KIF21A: variants seen among roughly 807,000 people sequenced by gnomAD.
KIF21A encodes the protein kinesin-like protein KIF21A.
KIF21A carries 114 observed loss-of-function variants against 202.9 expected under a neutral mutation model. That is an observed-to-expected ratio of 0.56 (90% CI 0.48 to 0.66). KIF21A has a LOEUF of 0.66. Among genes scored for constraint, KIF21A ranks in the 30% least tolerant of loss-of-function variants. KIF21A has a pLI of 0.00. For synonymous variants in KIF21A, 667 were observed against 670.8 expected, an observed-to-expected ratio of 0.99 and a Z score of 0.09; for missense variants, 1,677 against 1,994.9, an observed-to-expected ratio of 0.84 and a Z score of 3.04.
At chr12:39,393,605 C>A (rs907024974) in intron 1 of KIF21A, among the ~76,000 whole-genome samples, 4 of 152,162 alleles carry the variant, frequency 2.6e-5, no homozygotes, top group Non-Finnish European at 4.4e-5. Flanking sequence ...TGGTAGAGCA[C>A]AAGCTTCTAG....
chr12:39,317,022 A>C (rs546335749), intron 29 of KIF21A, among the ~76,000 whole-genome samples: 1 of 152,224 alleles, frequency 6.6e-6, no homozygotes, highest in African/African-American at 2.4e-5. Context: ...CCTAATGTTC[A>C]ACTTTTCTCA....
At chr12:39,345,949 G>A (rs1947850400) in intron 12 of KIF21A, among the ~76,000 whole-genome samples, 1 of 151,730 alleles carries the variant, frequency 6.6e-6, no homozygotes, top group Non-Finnish European at 1.5e-5. Flanking sequence ...AATCTTATTT[G>A]TAATAAGGCC....
intron 1 of KIF21A, among the ~76,000 whole-genome samples, chr12:39,405,693 A>T (rs887226994): frequency 3.3e-5 from 5 of 152,310 alleles, no homozygotes; most frequent in Admixed American, 3.3e-4. Context: ...AAGCGTATAT[A>T]AAGTTCCAAA....
intron 32 of KIF21A, 40 bp downstream of exon 32, chr12:39,311,377 A>G (rs1342733795): frequency 1.9e-6 from 3 of 1,583,686 alleles, no homozygotes; most frequent in African/African-American, 2.7e-5. Context: ...TTTTTTAAAA[A>G]AAAAGCTATT....
At chr12:39,416,778 C>CAT (rs1187737992) in intron 1 of KIF21A, among the ~76,000 whole-genome samples, 1 of 108,922 alleles carries the variant, frequency 9.2e-6, no homozygotes. Context: ...TATATATGTA[C>CAT]ATATATATGT....
In KIF21A at chr12:39,322,733, A is replaced by G; in HGVS notation, c.3606T>C (p.Ser1202=). Residue 1202 remains serine, a synonymous_variant, in exon 27 of 38, where the codon AGT becomes AGC. Coordinates refer to ENST00000361418, the MANE Select transcript of KIF21A (RefSeq NM_001173464.2). ...GCTCTTTTTCCCTAGCAGAAGTACC[A>G]CTTGTCTCTGTATTCATTCCAATCT... ...GQEIGMNTET[S]GTSAREKELS... The G allele has an allele frequency of 6.2e-7, 1 of 1,614,126 alleles. No homozygotes were observed. Among genetic ancestry groups the G allele is most frequent in the Non-Finnish European group, 8.5e-7 (1 of 1,180,020 alleles).
chr12:39,341,084 T>C lies in KIF21A; in HGVS notation c.1932A>G (p.Gln644=), dbSNP rs748245311. 2.5e-6 allele frequency: 4 copies of C among 1,602,984 alleles called. No homozygotes were observed. Among genetic ancestry groups the C allele is most frequent in the Non-Finnish European group, 3.4e-6 (4 of 1,172,560 alleles). ...DSESDEKANY[Q]ADLANITCEI... ...CACAAGTAATGTTTGCCAAGTCTGC[T>C]TGATAATTGGCTATTTATAAAAGAA... Residue 644 remains glutamine (Q), a synonymous_variant, in exon 15 of 38, where the codon CAA becomes CAG. Coordinates refer to ENST00000361418, the MANE Select transcript of KIF21A (RefSeq NM_001173464.2).
At chr12:39,427,332 CT>C (rs1355409146) in intron 1 of KIF21A, among the ~76,000 whole-genome samples, 1 of 152,154 alleles carries the variant, frequency 6.6e-6, no homozygotes, top group Non-Finnish European at 1.5e-5. Flanking sequence ...CAATAGCTTT[CT>C]TTTTACATTT....
intron 1 of KIF21A, among the ~76,000 whole-genome samples, chr12:39,438,154 C>T: frequency 6.6e-6 from 1 of 152,088 alleles, no homozygotes; most frequent in East Asian, 1.9e-4. Flanking sequence ...CCCAGGCTAT[C>T]TGATAGGATT....
chr12:39,323,883 G>C (rs560596644), intron 26 of KIF21A, among the ~76,000 whole-genome samples: 1 of 152,240 alleles, frequency 6.6e-6, no homozygotes, highest in Admixed American at 6.5e-5. Context: ...GGCCGAGGCA[G>C]GTGGATCACG....
chr12:39,353,644 T>C (rs1040394829), intron 10 of KIF21A, among the ~76,000 whole-genome samples: 3 of 152,148 alleles, frequency 2.0e-5, no homozygotes, highest in African/African-American at 7.2e-5. Context: ...TATATTTTAA[T>C]TGTCTCCTTT....
intron 1 of KIF21A, among the ~76,000 whole-genome samples, chr12:39,428,850 C>A (rs188757137): frequency 6.6e-6 from 1 of 151,146 alleles, no homozygotes; most frequent in Admixed American, 6.6e-5. Flanking sequence ...CCTAGCTACT[C>A]GGGAGGCTGA....
intron 37 of KIF21A, among the ~76,000 whole-genome samples, chr12:39,297,360 G>A (rs1942486174): frequency 1.3e-5 from 2 of 152,118 alleles, no homozygotes; most frequent in Admixed American, 1.3e-4. Context: ...ATGATAGACT[G>A]GATTAAGAAA....
intron 10 of KIF21A, among the ~76,000 whole-genome samples, chr12:39,354,822 G>GTA (rs1948646897): frequency 6.6e-6 from 1 of 152,028 alleles, no homozygotes; most frequent in African/African-American, 2.4e-5. Flanking sequence ...ATTTAAGAAC[G>GTA]TATATATACT....
chr12:39,376,215 A>T (rs1950260602), intron 1 of KIF21A, among the ~76,000 whole-genome samples: 1 of 152,140 alleles, frequency 6.6e-6, no homozygotes, highest in Non-Finnish European at 1.5e-5. Context: ...ACTTACAGAT[A>T]TACACACATA....
chr12:39,426,754 G>T (rs1020706136), intron 1 of KIF21A, among the ~76,000 whole-genome samples: 1 of 151,060 alleles, frequency 6.6e-6, no homozygotes, highest in East Asian at 1.9e-4. Context: ...CATGGTGGTG[G>T]ATGCTGGTAA....
chr12:39,320,073 AG>A, intron 27 of KIF21A, 60 bp from the exon 28 acceptor site: 1 of 937,070 alleles, frequency 1.1e-6, no homozygotes, highest in Non-Finnish European at 1.7e-6. Flanking sequence ...CAACTTTGGT[AG>A]ATAGTCAATC....
At chr12:39,305,055 CT>C in intron 34 of KIF21A, 117 bp from the exon 35 acceptor site, 1 of 648,416 alleles carries the variant, frequency 1.5e-6, no homozygotes, top group East Asian at 3.0e-5. Flanking sequence ...TTTTTTTTTT[CT>C]TTGTATATGT....
chr12:39,318,972 C>T (rs1944897716), intron 28 of KIF21A, among the ~76,000 whole-genome samples: 1 of 149,784 alleles, frequency 6.7e-6, no homozygotes. Flanking sequence ...CAGAGCGAGA[C>T]TCCGTCTCAA....
Sources: gnomAD v4.1 joint callset for allele counts (sites outside exome capture counted in the v4.1 genomes callset) on GRCh38, gnomAD v4.1.1 for gene constraint, MANE v1.5 for transcripts, NCBI Gene and HGNC (gene_info 2026-07-23, HGNC 2026-07-21) for gene names.